Variants in CCDC85A observed in about 807,000 individuals in gnomAD.
The protein encoded by CCDC85A is coiled-coil domain-containing protein 85A.
A neutral mutation model predicts 50.2 loss-of-function variants in CCDC85A; 38 were observed. That is an observed-to-expected ratio of 0.76 (90% confidence interval 0.58 to 0.99). The LOEUF is 0.99. Among genes scored for constraint, CCDC85A ranks in the 50% least tolerant of loss-of-function variants. CCDC85A has a pLI of 0.00. For synonymous variants in CCDC85A, 366 were observed against 301.4 expected, an observed-to-expected ratio of 1.21 and a Z score of -2.22; for missense variants, 820 against 742.0, an observed-to-expected ratio of 1.11 and a Z score of -1.22.
intron 2 of CCDC85A, among the ~76,000 whole-genome samples, chr2:56,340,876 C>CAAAAAAA (rs61603853): frequency 1.4e-4 from 8 of 58,226 alleles, no homozygotes; most frequent in South Asian, 7.7e-4. Flanking sequence ...AACTCCATCT[C>CAAAAAAA]AAAAAAAAAA....
At chr2:56,273,509 T>C (rs1670789867) in intron 2 of CCDC85A, among the ~76,000 whole-genome samples, 1 of 152,096 alleles carries the variant, frequency 6.6e-6, no homozygotes, top group Non-Finnish European at 1.5e-5. Context: ...AGAATTGCTT[T>C]CAACTTAATA....
At chr2:56,191,043 C>G (rs1481544650) in intron 1 of CCDC85A, among the ~76,000 whole-genome samples, 1 of 152,176 alleles carries the variant, frequency 6.6e-6, no homozygotes, top group Non-Finnish European at 1.5e-5. Flanking sequence ...GACATGCTCA[C>G]CTCGCTGTAC....
chr2:56,184,505 C>T lies in CCDC85A; in HGVS notation c.-120C>T, dbSNP rs1342073240. On this transcript the variant is annotated 5_prime_UTR_variant, in exon 1 of 6. Transcript: ENST00000407595. ...CCGCCCCAACCCAGCGGCCCCTGGGCGGTGCCGCTGACTCGCCGGAGCGCA... is the reference window on the plus strand; with the variant it reads ...CCGCCCCAACCCAGCGGCCCCTGGGTGGTGCCGCTGACTCGCCGGAGCGCA... 9.9e-6 allele frequency: 11 copies of T among 1,110,694 alleles called. No individual in the cohort carries two copies. The highest frequency in any genetic ancestry group is 1.3e-5 in the Non-Finnish European group (11 of 872,878). 68.8% of individuals were successfully genotyped at this position (1,110,694 alleles called of 1,614,324 possible). A position where few individuals can be genotyped will look rare whatever the true frequency, so the allele number is the denominator to read the frequency against.
chr2:56,320,339 A>G (rs914898349), intron 2 of CCDC85A, among the ~76,000 whole-genome samples: 6 of 152,188 alleles, frequency 3.9e-5, no homozygotes, highest in Middle Eastern at 3.2e-3. Flanking sequence ...AAAAAAATCA[A>G]TGAATCCAGG....
At chr2:56,296,958 T>C (rs1309626467) in intron 2 of CCDC85A, among the ~76,000 whole-genome samples, 1 of 152,290 alleles carries the variant, frequency 6.6e-6, no homozygotes, top group South Asian at 2.1e-4. Context: ...AACATATTAA[T>C]ATATGAAATA....
chr2:56,340,530 G>A (rs559537558), intron 2 of CCDC85A, among the ~76,000 whole-genome samples: 146 of 152,226 alleles, frequency 9.6e-4, no homozygotes, highest in Admixed American at 4.8e-3. Flanking sequence ...GGGGCATAAA[G>A]CAGAAGAAGA....
chr2:56,193,483 C>T, intron 2 of CCDC85A, 43 bp downstream of exon 2: 5 of 1,530,326 alleles, frequency 3.3e-6, no homozygotes, highest in Non-Finnish European at 4.4e-6. Context: ...CTGGGGAACT[C>T]AGTAGAGAGT....
rs1238385760 is a variant in CCDC85A, at chr2:56,375,904, A to G, written c.1541A>G (p.Gln514Arg). The G allele has an allele frequency of 6.2e-7, 1 of 1,613,846 alleles. No homozygotes were observed. Among genetic ancestry groups the G allele is most frequent in the South Asian group, 1.1e-5 (1 of 91,080 alleles). The stretch of plus-strand genomic sequence containing the variant: ...TTCAGTGGACATGCCACACCTTCCC[A>G]GCAGCCTGAACCTGTGGTACATTCT... ...ASFSGHATPSQQPEPVVHSLK... is the reference protein window; with the variant it reads ...ASFSGHATPSRQPEPVVHSLK... Residue 514 changes from glutamine to arginine, a missense_variant, in exon 5 of 6, where the codon CAG becomes CGG. Coordinates refer to ENST00000407595, the MANE Select transcript of CCDC85A (RefSeq NM_001080433.2).
intron 2 of CCDC85A, among the ~76,000 whole-genome samples, chr2:56,276,384 T>C (rs562852223): frequency 6.6e-6 from 1 of 152,240 alleles, no homozygotes; most frequent in African/African-American, 2.4e-5. Context: ...TCGGTTTGAC[T>C]GTATCCCCAC....
intron 1 of CCDC85A, among the ~76,000 whole-genome samples, chr2:56,188,225 G>A (rs1008570338): frequency 6.6e-6 from 1 of 152,208 alleles, no homozygotes; most frequent in Non-Finnish European, 1.5e-5. Context: ...TGGATCACAA[G>A]GTTATTATCA....
At chr2:56,198,507 A>G (rs1274104025) in intron 2 of CCDC85A, among the ~76,000 whole-genome samples, 1 of 152,222 alleles carries the variant, frequency 6.6e-6, no homozygotes, top group African/African-American at 2.4e-5. Context: ...GTTTTTGATA[A>G]AATTGATTTA....
At chr2:56,295,533 A>G (rs756492735) in intron 2 of CCDC85A, among the ~76,000 whole-genome samples, 1 of 152,234 alleles carries the variant, frequency 6.6e-6, no homozygotes, top group Non-Finnish European at 1.5e-5. Flanking sequence ...AAAGGATGCC[A>G]CTGGAGTTCA....
At chr2:56,197,289 T>G (rs1676563232) in intron 2 of CCDC85A, among the ~76,000 whole-genome samples, 1 of 152,056 alleles carries the variant, frequency 6.6e-6, no homozygotes, top group African/African-American at 2.4e-5. Context: ...GGAGGTTCAG[T>G]AGCATCCCTG....
intron 2 of CCDC85A, among the ~76,000 whole-genome samples, chr2:56,236,602 T>G (rs559231656): frequency 2.0e-5 from 3 of 152,256 alleles, no homozygotes; most frequent in South Asian, 4.2e-4. Flanking sequence ...TTTTATTAAC[T>G]CTCCACCCAC....
At chr2:56,236,297 A>G (rs1369784310) in intron 2 of CCDC85A, among the ~76,000 whole-genome samples, 3 of 152,188 alleles carry the variant, frequency 2.0e-5, no homozygotes, top group Non-Finnish European at 4.4e-5. Context: ...TGAGCAGAGA[A>G]GCAACACAAT....
chr2:56,192,900 C>A lies in CCDC85A; in HGVS notation c.700C>A (p.Pro234Thr). ...CAAGCACCACGCGAGCAGTGGCAGC[C>A]CGGAGCACCTGCAGAAGCCCCGGAG... ...HHKHHASSGS[P>T]EHLQKPRSEG... is the part of the protein sequence containing the mutation. Residue 234 changes from proline (P) to threonine (T), a missense_variant, in exon 2 of 6, where the codon CCG (proline) becomes ACG (threonine). By Grantham distance (38) the Pro-to-Thr change is conservative. Transcript: ENST00000407595. The surrounding 1 kb of genome is among the most constrained non-coding windows in gnomAD (Gnocchi z 4.7). The A allele has an allele frequency of 1.2e-6, 2 of 1,611,404 alleles. No individual in the cohort carries two copies. Among genetic ancestry groups the A allele is most frequent in the Non-Finnish European group, 1.7e-6 (2 of 1,178,184 alleles).
At chr2:56,242,464 A>C (rs948716095) in intron 2 of CCDC85A, among the ~76,000 whole-genome samples, 1 of 152,076 alleles carries the variant, frequency 6.6e-6, no homozygotes, top group African/African-American at 2.4e-5. Flanking sequence ...AAAGAGAGAA[A>C]GTTGATGGGG....
intron 3 of CCDC85A, among the ~76,000 whole-genome samples, chr2:56,366,934 T>C (rs181811591): frequency 2.6e-5 from 4 of 152,318 alleles, no homozygotes; most frequent in African/African-American, 9.6e-5. Flanking sequence ...CTTTTGCCAT[T>C]ATCTTATAAT....
intron 4 of CCDC85A, among the ~76,000 whole-genome samples, chr2:56,373,625 C>T (rs544326322): frequency 6.6e-6 from 1 of 152,158 alleles, no homozygotes; most frequent in East Asian, 1.9e-4. Flanking sequence ...AAAGGCTGGG[C>T]AGAAAAGGAT....
Sources: gnomAD v4.1 joint callset for allele counts (sites outside exome capture counted in the v4.1 genomes callset) on GRCh38, gnomAD v4.1.1 for gene constraint, Gnocchi (gnomAD v3.1) non-coding constraint, MANE v1.5 for transcripts, NCBI Gene and HGNC (gene_info 2026-07-23, HGNC 2026-07-21) for gene names.